The following SINHCAF variants were observed in gnomAD, a reference collection of about 807,000 sequenced individuals.
SINHCAF encodes SIN3-HDAC complex-associated factor.
A neutral mutation model predicts 25.8 loss-of-function variants in SINHCAF; 3 were observed. That is an observed-to-expected ratio of 0.12 (90% confidence interval 0.05 to 0.30). The LOEUF is 0.30. Among genes scored for constraint, SINHCAF ranks in the 10% least tolerant of loss-of-function variants. The pLI is 1.00. For missense variants in SINHCAF, 121 were observed against 262.3 expected, an observed-to-expected ratio of 0.46 and a Z score of 3.72; for synonymous variants, 70 against 85.5, an observed-to-expected ratio of 0.82 and a Z score of 1.00.
intron 1 of SINHCAF, among the ~76,000 whole-genome samples, chr12:31,323,332 G>A (rs965207379): frequency 7.2e-5 from 11 of 152,120 alleles, no homozygotes; most frequent in African/African-American, 2.4e-4. Flanking sequence ...AATTTTAAAA[G>A]GCTTTTCAAG....
At chr12:31,313,094 G>A (rs1167783588) in intron 1 of SINHCAF, among the ~76,000 whole-genome samples, 3 of 151,944 alleles carry the variant, frequency 2.0e-5, no homozygotes, top group Admixed American at 1.3e-4. Context: ...GCACGATCTC[G>A]GCTCACTGCA....
intron 1 of SINHCAF, among the ~76,000 whole-genome samples, chr12:31,306,571 A>C (rs1231139658): frequency 6.6e-6 from 1 of 152,134 alleles, no homozygotes; most frequent in African/African-American, 2.4e-5. Context: ...TTTAGCGTAG[A>C]TTTAACTGTT....
intron 1 of SINHCAF, among the ~76,000 whole-genome samples, chr12:31,311,117 T>C (rs1332334411): frequency 6.6e-6 from 1 of 152,208 alleles, no homozygotes; most frequent in East Asian, 1.9e-4. Flanking sequence ...TCCACCCGCC[T>C]TGGCCTCCCA....
At position 31,282,622 on chromosome 12, in the gene SINHCAF, CA is replaced by C. The variant is rs1257854493; in HGVS notation, c.*89del. The C allele has an allele frequency of 6.9e-3, 7,096 of 1,027,628 alleles. No homozygotes were observed. The highest frequency in any genetic ancestry group is 0.012 in the South Asian group (631 of 51,746). The allele number at this position is 1,027,628 out of a possible 1,614,324, so 63.7% of individuals were successfully genotyped here. ...GGGTAACAAGAGCAAAACTCCGTCT[CA>C]AAAAAAAAAGAGGGTCAGTTTGTAG... On this transcript the variant is annotated 3_prime_UTR_variant, in exon 6 of 6. Coordinates refer to ENST00000337682, the MANE Select transcript of SINHCAF (RefSeq NM_001135812.2).
In SINHCAF at chr12:31,298,199, A is replaced by G; in HGVS notation, c.6T>C (p.Phe2=). Residue 2 remains phenylalanine, a synonymous_variant, in exon 2 of 6, where the codon TTT becomes TTC. Coordinates refer to ENST00000337682, the MANE Select transcript of SINHCAF (RefSeq NM_001135812.2). M[F]GFHKPKMYRS... ...GGTACATCTTTGGCTTGTGAAAACCAAACATCTTTTCTTCTGGGCAATAGT... is the reference window on the plus strand; with the variant it reads ...GGTACATCTTTGGCTTGTGAAAACCGAACATCTTTTCTTCTGGGCAATAGT... The G allele has an allele frequency of 6.2e-7, 1 of 1,614,114 alleles. No homozygotes were observed. Among genetic ancestry groups the G allele is most frequent in the Non-Finnish European group, 8.5e-7 (1 of 1,180,014 alleles).
rs1264587065 is a variant in SINHCAF, at chr12:31,281,506, G to A, written c.*1206C>T. 6.6e-6 allele frequency: 1 copy of A among 152,198 alleles called. No homozygotes were observed. Among genetic ancestry groups the A allele is most frequent in the Non-Finnish European group, 1.5e-5 (1 of 68,042 alleles). The allele number at this position is 152,198 out of a possible 1,614,324, so 9.4% of individuals were successfully genotyped here. On this transcript the variant is annotated 3_prime_UTR_variant, in exon 6 of 6. Coordinates refer to ENST00000337682, the MANE Select transcript of SINHCAF (RefSeq NM_001135812.2). ...TAATCCAGAGCTGAAACTGAATTGT[G>A]CAGATTTTCAATGAAGTCACAGAAG...
At chr12:31,321,711 C>A (rs893234728) in intron 1 of SINHCAF, among the ~76,000 whole-genome samples, 1 of 152,124 alleles carries the variant, frequency 6.6e-6, no homozygotes, top group Admixed American at 6.5e-5. Flanking sequence ...TACATGTGTT[C>A]CTTTTCTGCT....
rs369956954 is a variant in SINHCAF, at chr12:31,319,059, T to C, written c.-21+6965A>G. Among the ~76,000 whole-genome samples the C allele has an allele frequency of 2.5e-3, 385 of 152,350 alleles. 1 individual carries two copies. The highest frequency in any genetic ancestry group is 4.2e-3 in the Non-Finnish European group (288 of 68,042). ...CTGTGGGAAAAGAGGAACTTAGCCT[T>C]TTCAGGGAGACTTTAAGGTCATGAA... On this transcript the variant is annotated intron_variant, in intron 1 of 5. Transcript: ENST00000337682.
chr12:31,307,553 T>TA (rs1484905543), intron 1 of SINHCAF, among the ~76,000 whole-genome samples: 2 of 151,300 alleles, frequency 1.3e-5, no homozygotes, highest in Non-Finnish European at 2.9e-5. Context: ...AGACCCTGTC[T>TA]AAAAAAGAGA....
chr12:31,311,990 C>A, intron 1 of SINHCAF: 2 of 707,414 alleles, frequency 2.8e-6, no homozygotes, highest in Non-Finnish European at 4.9e-6. Context: ...AGCCTTTCAG[C>A]TAGCTGTTTG....
At chr12:31,313,822 G>T (rs534361164) in intron 1 of SINHCAF, among the ~76,000 whole-genome samples, 5 of 151,874 alleles carry the variant, frequency 3.3e-5, no homozygotes, top group African/African-American at 1.2e-4. Context: ...CTAATTTTTT[G>T]TATTTTTAGT....
rs1565492558 is a variant in SINHCAF at position 31,293,939 on chromosome 12, A to G, written c.229-8T>C. ...AGCCCTTGCATCTACCACCTGGAAG[A>G]AAATACTGAATATTTAATAATATTT... On this transcript the variant is annotated splice_polypyrimidine_tract_variant and splice_region_variant and intron_variant, in intron 3 of 5. Transcript: ENST00000337682. The G allele has an allele frequency of 6.3e-6, 10 of 1,584,888 alleles. No individual in the cohort carries two copies. The South Asian group carries it at 1.1e-4, about 17-fold the overall frequency.
chr12:31,314,353 T>C (rs1462860317), intron 1 of SINHCAF, among the ~76,000 whole-genome samples: 1 of 151,764 alleles, frequency 6.6e-6, no homozygotes, highest in African/African-American at 2.4e-5. Flanking sequence ...TGAAACCCTG[T>C]CTCTACTAAA....
chr12:31,311,124 C>CCCAAAGTGTCCGGCCGTAATCT (rs1330246711), intron 1 of SINHCAF, among the ~76,000 whole-genome samples: 2 of 152,098 alleles, frequency 1.3e-5, no homozygotes, highest in African/African-American at 4.8e-5. Context: ...GCCTTGGCCT[C>CCCAAAGTGTCCGGCCGTAATCT]CCAAAGTGTC....
chr12:31,308,426 C>CA, intron 1 of SINHCAF, among the ~76,000 whole-genome samples: 1 of 152,192 alleles, frequency 6.6e-6, no homozygotes, highest in Non-Finnish European at 1.5e-5. Flanking sequence ...TAGGAAGCAT[C>CA]AAAAAAGCTA....
Position 31,325,952 on chromosome 12 carries a change from GAAAA to G in SINHCAF, c.-21+68_-21+71del, listed in dbSNP as rs745925130. ...GGGGAGGTGGGTGGAGGTGAAAAGA[GAAAA>G]AAAAAAACACTGAAATCAAAGCCTC... On this transcript the variant is annotated intron_variant, in intron 1 of 5. Coordinates refer to ENST00000337682, the MANE Select transcript of SINHCAF (RefSeq NM_001135812.2). This position sits in a 1 kb window ranked among gnomAD's most constrained non-coding sequence, Gnocchi z 5.9. The G allele has an allele frequency of 1.4e-5, 2 of 143,336 alleles. No individual in the cohort carries two copies. Among genetic ancestry groups the G allele is most frequent in the Non-Finnish European group, 1.5e-5 (1 of 65,148 alleles). 8.9% of individuals were successfully genotyped at this position (143,336 alleles called of 1,614,324 possible). A position where few individuals can be genotyped will look rare whatever the true frequency, so the allele number is the denominator to read the frequency against.
chr12:31,301,805 T>C (rs1198059230), intron 1 of SINHCAF, among the ~76,000 whole-genome samples: 3 of 151,898 alleles, frequency 2.0e-5, no homozygotes, highest in Non-Finnish European at 2.9e-5. Context: ...GGACATAAAA[T>C]GGTCTCTGAA....
At chr12:31,315,844 A>C (rs1939474802) in intron 1 of SINHCAF, among the ~76,000 whole-genome samples, 2 of 152,140 alleles carry the variant, frequency 1.3e-5, no homozygotes, top group Admixed American at 6.5e-5. Flanking sequence ...AAAACCCAAA[A>C]ATTGTTTTAA....
chr12:31,321,600 GA>G (rs1399982219), intron 1 of SINHCAF, among the ~76,000 whole-genome samples: 1 of 152,108 alleles, frequency 6.6e-6, no homozygotes, highest in African/African-American at 2.4e-5. Flanking sequence ...TTTTACAGAT[GA>G]AAAAAACTGG....
Sources: allele counts gnomAD v4.1 joint callset (sites outside exome capture counted in the v4.1 genomes callset), GRCh38; gene constraint gnomAD v4.1.1; non-coding constraint Gnocchi (gnomAD v3.1); transcripts MANE v1.5; gene names NCBI Gene and HGNC (gene_info 2026-07-23, HGNC 2026-07-21).